Variants in XPO4 observed in about 807,000 individuals in gnomAD.
The protein encoded by XPO4 is exportin 4, also known as exportin-4.
In XPO4, 39 loss-of-function variants were observed where a neutral mutation model predicts 143.0. The ratio of observed to expected loss-of-function variants is 0.27; its 90% confidence interval spans 0.21 to 0.36. The LOEUF (loss-of-function observed/expected upper bound fraction) is 0.36, where lower values mean the gene tolerates loss of function less well. XPO4 is among the 10% of genes least tolerant of loss of function. The probability of loss-of-function intolerance (pLI) is 1.00; values close to 1 mark genes in which losing one functional copy is unlikely to be tolerated. For missense variants in XPO4, 907 were observed against 1,348.0 expected, an observed-to-expected ratio of 0.67 and a Z score of 5.12; for synonymous variants, 439 against 474.0, an observed-to-expected ratio of 0.93 and a Z score of 0.96.
chr13:20,786,896 C>A (rs748151936), intron 22 of XPO4, 69 bp downstream of exon 22: 12 of 1,302,456 alleles, frequency 9.2e-6, no homozygotes, highest in African/African-American at 1.5e-5. Flanking sequence ...AATGACCCAC[C>A]ATCTATCTCA....
At position 20,792,677 on chromosome 13, in the gene XPO4, C is replaced by T. The variant is rs113115817; in HGVS notation, c.2798-2097G>A. 1.5e-3 allele frequency among the ~76,000 whole-genome samples: 218 copies of T among 146,314 alleles called. 1 individual carries two copies. Among genetic ancestry groups the T allele is most frequent in the African/African-American group, 4.8e-3 (191 of 39,700 alleles). ...TGGAGGCTGCTGTGAGCCAAGGTCGCGCCATTGCACTCCAGCCTGGGCAAC... is the reference window on the plus strand; with the variant it reads ...TGGAGGCTGCTGTGAGCCAAGGTCGTGCCATTGCACTCCAGCCTGGGCAAC... On this transcript the variant is annotated intron_variant, in intron 18 of 22. Coordinates refer to ENST00000255305, the MANE Select transcript of XPO4 (RefSeq NM_022459.5).
At chr13:20,800,790 C>T in intron 14 of XPO4, 41 bp downstream of exon 14, 1 of 1,596,922 alleles carries the variant, frequency 6.3e-7, no homozygotes, top group South Asian at 1.1e-5. Flanking sequence ...TAACTGCTAT[C>T]ATCATAAATC....
At chr13:20,851,342 A>C in intron 4 of XPO4, 1 of 985,354 alleles carries the variant, frequency 1.0e-6, no homozygotes, top group Non-Finnish European at 1.2e-6. Context: ...TCATCCTGCA[A>C]TCCTGAAATT....
intron 4 of XPO4, among the ~76,000 whole-genome samples, chr13:20,846,621 A>G (rs1056773268): frequency 6.6e-6 from 1 of 152,236 alleles, no homozygotes; most frequent in African/African-American, 2.4e-5. Flanking sequence ...TTTCGTTTTT[A>G]AATAATTTTT....
At chr13:20,788,355 C>A in intron 20 of XPO4, 131 bp downstream of exon 20, 1 of 1,283,700 alleles carries the variant, frequency 7.8e-7, no homozygotes, top group South Asian at 1.4e-5. Flanking sequence ...CCGTGCCTGG[C>A]CCAGGGTTTT....
intron 22 of XPO4, among the ~76,000 whole-genome samples, chr13:20,785,348 T>A (rs1170675818): frequency 6.6e-6 from 1 of 152,154 alleles, no homozygotes; most frequent in Non-Finnish European, 1.5e-5. Flanking sequence ...GGACCAAGTA[T>A]AATCTCCTAT....
intron 20 of XPO4, 69 bp downstream of exon 20, chr13:20,788,417 A>C (rs960501067): frequency 6.4e-7 from 1 of 1,552,726 alleles, no homozygotes; most frequent in South Asian, 1.2e-5. Context: ...TAAACTTAAA[A>C]AACTTTTCTT....
chr13:20,895,587 G>A lies in XPO4; in HGVS notation c.69+7083C>T, dbSNP rs569918600. Among the ~76,000 whole-genome samples the A allele has an allele frequency of 4.6e-5, 7 of 151,344 alleles. 1 individual carries two copies. Among genetic ancestry groups the A allele is most frequent in the South Asian group, 4.2e-4 (2 of 4,778 alleles). On this transcript the variant is annotated intron_variant, in intron 1 of 22. Coordinates refer to ENST00000255305, the MANE Select transcript of XPO4 (RefSeq NM_022459.5). ...GCAGAAGTTGCAGTGAGCCGAGATC[G>A]CACCATTGCACTCCAGCCTGGGTGA...
chr13:20,808,396 C>A, intron 12 of XPO4, 40 bp downstream of exon 12: 1 of 1,486,400 alleles, frequency 6.7e-7, no homozygotes, highest in South Asian at 1.5e-5. Flanking sequence ...TTAAATTGCT[C>A]AGTTGGCAAT....
At position 20,809,043 on chromosome 13, in the gene XPO4, A is replaced by T. The variant is rs920815949; in HGVS notation, c.1493+40T>A. The T allele has an allele frequency of 2.5e-6, 4 of 1,596,056 alleles. No individual in the cohort carries two copies. The Admixed American group carries it at 7.0e-5, about 28-fold the overall frequency. ...GTGCTCTCCAGGGAATTGTGAATAGAGAATATTTGCTCCATGGGGTTTCTT... is the reference window on the plus strand; with the variant it reads ...GTGCTCTCCAGGGAATTGTGAATAGTGAATATTTGCTCCATGGGGTTTCTT... On this transcript the variant is annotated intron_variant, in intron 11 of 22. Transcript: ENST00000255305.
At position 20,809,980 on chromosome 13, in the gene XPO4, A is replaced by G; in HGVS notation, c.1174-13T>C. 1 of 1,588,336 alleles carries G rather than the reference A, an allele frequency of 6.3e-7. No homozygotes were observed. ...CATCTTTATCAAGCTAAAAGAAAAGAACACTCATAAAACAAATGTCCAGAG... is the reference window on the plus strand; with the variant it reads ...CATCTTTATCAAGCTAAAAGAAAAGGACACTCATAAAACAAATGTCCAGAG... On this transcript the variant is annotated splice_polypyrimidine_tract_variant and intron_variant, in intron 9 of 22. Coordinates refer to ENST00000255305, the MANE Select transcript of XPO4 (RefSeq NM_022459.5).
chr13:20,809,441 A>C (rs532474551), intron 10 of XPO4, among the ~76,000 whole-genome samples: 23 of 152,302 alleles, frequency 1.5e-4, no homozygotes, highest in African/African-American at 5.5e-4. Flanking sequence ...AAGAGCAAGA[A>C]GTACAGGAAT....
At chr13:20,845,864 C>T (rs1408471116) in intron 4 of XPO4, among the ~76,000 whole-genome samples, 1 of 152,094 alleles carries the variant, frequency 6.6e-6, no homozygotes, top group Non-Finnish European at 1.5e-5. Flanking sequence ...TGATGAATCC[C>T]AAGATCCTAG....
chr13:20,885,627 G>A (rs78865739), intron 1 of XPO4, among the ~76,000 whole-genome samples: 4,324 of 152,238 alleles, frequency 0.028, 98 homozygotes, highest in Non-Finnish European at 0.044. Flanking sequence ...TCAAGGGCAT[G>A]GAAAGGTTGA....
intron 6 of XPO4, among the ~76,000 whole-genome samples, chr13:20,836,163 C>G (rs1455951777): frequency 3.9e-5 from 6 of 152,138 alleles, no homozygotes; most frequent in African/African-American, 1.4e-4. Context: ...TCACATTGTT[C>G]AAGGGTCAAT....
At position 20,809,936 on chromosome 13, in the gene XPO4, G is replaced by A. The variant is rs909333288; in HGVS notation, c.1205C>T (p.Ala402Val). The change falls in exon 10 of 23, where the codon GCA (alanine) becomes GTA (valine). Residue 402 changes from alanine (A) to valine (V), a missense_variant. Ala to Val is a moderately conservative substitution (Grantham distance 64). Coordinates refer to ENST00000255305, the MANE Select transcript of XPO4 (RefSeq NM_022459.5). ...CCAGGACTCCAACAATTTATCATAT[G>A]CTTCCATGTATACCATGTCATCTTT... ...LDKDDMVYME[A>V]YDKLLESWLT... is the part of the protein sequence containing the mutation. The A allele has an allele frequency of 1.9e-6, 3 of 1,613,154 alleles. No individual in the cohort carries two copies. The African/African-American group carries it at 4.0e-5, about 22-fold the overall frequency.
At chr13:20,856,415 C>A in intron 3 of XPO4, 1 of 925,806 alleles carries the variant, frequency 1.1e-6, no homozygotes. Flanking sequence ...TTACCAAGCC[C>A]ATTTGACCAC....
chr13:20,857,144 G>A (rs977895498), intron 3 of XPO4, among the ~76,000 whole-genome samples: 1 of 152,160 alleles, frequency 6.6e-6, no homozygotes, highest in African/African-American at 2.4e-5. Context: ...CTATGCATAA[G>A]AATATTAGTT....
intron 6 of XPO4, among the ~76,000 whole-genome samples, chr13:20,832,655 C>T (rs2059866960): frequency 6.6e-6 from 1 of 152,108 alleles, no homozygotes; most frequent in Admixed American, 6.5e-5. Context: ...TATTTAATCC[C>T]TTTCATTATT....
Sources: gnomAD v4.1 joint callset for allele counts (sites outside exome capture counted in the v4.1 genomes callset) on GRCh38, gnomAD v4.1.1 for gene constraint, MANE v1.5 for transcripts, NCBI Gene and HGNC (gene_info 2026-07-23, HGNC 2026-07-21) for gene names.